The following EYS variants were observed in gnomAD, a reference collection of about 807,000 sequenced individuals.
The protein encoded by EYS is EGF-like photoreceptor maintenance factor, also known as protein eyes shut homolog.
Under a neutral mutation model 282.1 loss-of-function variants are expected in EYS, and 250 were observed. The observed-to-expected ratio is 0.89, with a 90% CI of 0.80 to 0.98. EYS has a LOEUF of 0.98. Among genes scored for constraint, EYS ranks in the 50% least tolerant of loss-of-function variants. The pLI is 0.00. For missense variants in EYS, 4,016 were observed against 3,709.0 expected (o/e 1.08, Z -2.15); for synonymous variants, 1,355 against 1,282.9 (o/e 1.06, Z -1.20).
At chr6:64,678,542 C>A (rs1190915946) in intron 22 of EYS, among the ~76,000 whole-genome samples, 2 of 152,162 alleles carry the variant, frequency 1.3e-5, no homozygotes, top group Non-Finnish European at 2.9e-5. Context: ...AGGGTGACTG[C>A]ACTCCAGCCT....
At chr6:65,078,661 T>C (rs1304979105) in intron 12 of EYS, among the ~76,000 whole-genome samples, 1 of 152,038 alleles carries the variant, frequency 6.6e-6, no homozygotes, top group Non-Finnish European at 1.5e-5. Flanking sequence ...TAATAAATAA[T>C]TGAGGAATCA....
chr6:65,687,665 T>C (rs537715233), intron 1 of EYS, among the ~76,000 whole-genome samples: 26 of 152,246 alleles, frequency 1.7e-4, no homozygotes, highest in African/African-American at 3.9e-4. Context: ...GACGACATGA[T>C]TATATATCTA....
intron 1 of EYS, among the ~76,000 whole-genome samples, chr6:65,647,916 AAACATATAG>A (rs1270113672): frequency 1.3e-5 from 2 of 152,228 alleles, no homozygotes; most frequent in Admixed American, 1.3e-4. Flanking sequence ...AATGGCCAGC[AAACATATAG>A]AACAATGCGT....
intron 12 of EYS, among the ~76,000 whole-genome samples, chr6:65,169,866 G>A (rs1035576668): frequency 6.6e-6 from 1 of 151,340 alleles, no homozygotes; most frequent in Non-Finnish European, 1.5e-5. Context: ...ACTTCCTTTG[G>A]TACTATACAC....
intron 37 of EYS, among the ~76,000 whole-genome samples, chr6:63,799,848 G>A (rs1282714086): frequency 6.6e-6 from 1 of 152,220 alleles, no homozygotes; most frequent in Non-Finnish European, 1.5e-5. Flanking sequence ...AACATTACAT[G>A]AATGAGTAGG....
intron 13 of EYS, among the ~76,000 whole-genome samples, chr6:65,026,572 C>T (rs1772414665): frequency 6.6e-6 from 1 of 152,116 alleles, no homozygotes. Flanking sequence ...TAGGAGAGCA[C>T]AGTCCAAAGT....
chr6:64,856,555 T>G (rs1260127605), intron 19 of EYS, among the ~76,000 whole-genome samples: 1 of 152,162 alleles, frequency 6.6e-6, no homozygotes, highest in Non-Finnish European at 1.5e-5. Context: ...TGCCTTGACT[T>G]CCCAAAGTGC....
chr6:65,335,193 C>G, intron 10 of EYS, 47 bp from the exon 11 acceptor site: 1 of 1,271,382 alleles, frequency 7.9e-7, no homozygotes, highest in South Asian at 1.2e-5. Flanking sequence ...CCATCACTTA[C>G]TACAATATTA....
chr6:65,141,185 A>C (rs56132604), intron 12 of EYS, among the ~76,000 whole-genome samples: 38,841 of 151,670 alleles, frequency 0.26, 5,292 homozygotes, highest in African/African-American at 0.34. Flanking sequence ...AGTTCATGTC[A>C]TTTGTAGGGA....
chr6:64,529,045 G>A (rs912954371), intron 26 of EYS, among the ~76,000 whole-genome samples: 2 of 151,894 alleles, frequency 1.3e-5, no homozygotes, highest in African/African-American at 4.8e-5. Flanking sequence ...ATCCTAAAAC[G>A]GTTTATATGT....
At chr6:64,191,536 TTCTCATTGTTCAATTCCCACCTA>T (rs1049292804) in intron 31 of EYS, among the ~76,000 whole-genome samples, 4 of 145,246 alleles carry the variant, frequency 2.8e-5, no homozygotes, top group Non-Finnish European at 6.0e-5. Context: ...TGTCCATGTG[TTCTCATTGTTCAATTCCCACCTA>T]TGGGTGAGAA....
rs2149623955 is a variant in EYS at position 63,720,870 on chromosome 6, G to A, written c.9161C>T (p.Thr3054Ile). Residue 3054 changes from threonine to isoleucine, a missense_variant, in exon 43 of 43, where the codon ACT becomes ATT. By Grantham distance (89) the Thr-to-Ile change is moderately conservative (BLOSUM62 -1). Transcript: ENST00000503581. ...WHHVVVIQNQ[T>I]LIKAYINNSL... ...GTTATTTATGTAGGCCTTGATAAGA[G>A]TCTGATTTTGAATTACAACTACATG... 1 of 1,551,046 alleles carries A rather than the reference G, an allele frequency of 6.4e-7. No individual in the cohort carries two copies. Among genetic ancestry groups the A allele is most frequent in the Non-Finnish European group, 8.7e-7 (1 of 1,146,542 alleles).
intron 31 of EYS, among the ~76,000 whole-genome samples, chr6:64,159,388 G>A (rs1324269517): frequency 7.3e-5 from 11 of 151,382 alleles, no homozygotes; most frequent in African/African-American, 1.5e-4. Context: ...GTGAAACCCC[G>A]TCTCTACTAA....
chr6:63,775,995 C>A (rs170347), intron 40 of EYS, among the ~76,000 whole-genome samples: 76,719 of 151,886 alleles, frequency 0.51, 21,101 homozygotes, highest in African/African-American at 0.72. Flanking sequence ...AGAGGATCCC[C>A]AAACTGGTCA....
intron 29 of EYS, among the ~76,000 whole-genome samples, chr6:64,374,210 G>A (rs1245199258): frequency 2.1e-5 from 3 of 142,258 alleles, no homozygotes; most frequent in Non-Finnish European, 3.1e-5. Context: ...GGTGTGGGGG[G>A]TGGGGGATGA....
intron 12 of EYS, among the ~76,000 whole-genome samples, chr6:65,230,432 C>G (rs11963375): frequency 0.24 from 35,809 of 151,704 alleles, 4,386 homozygotes; most frequent in Middle Eastern, 0.28. Context: ...TTCATGCATA[C>G]AATTAGTTTT....
At chr6:65,165,306 A>G (rs1186627904) in intron 12 of EYS, among the ~76,000 whole-genome samples, 2 of 145,318 alleles carry the variant, frequency 1.4e-5, no homozygotes, top group Non-Finnish European at 3.1e-5. Context: ...TTTTTAATTT[A>G]TTTGCACATC....
chr6:65,514,732 G>A (rs964882267), intron 2 of EYS, among the ~76,000 whole-genome samples: 1 of 152,182 alleles, frequency 6.6e-6, no homozygotes, highest in Non-Finnish European at 1.5e-5. Flanking sequence ...AAACTGGCTA[G>A]CCATATGTAC....
intron 33 of EYS, among the ~76,000 whole-genome samples, chr6:64,022,113 G>A (rs1376287311): frequency 6.6e-6 from 1 of 152,100 alleles, no homozygotes; most frequent in South Asian, 2.1e-4. Context: ...AAACAGAATT[G>A]CCAAATAAGC....
Sources: gnomAD v4.1 joint callset for allele counts (sites outside exome capture counted in the v4.1 genomes callset) on GRCh38, gnomAD v4.1.1 for gene constraint, MANE v1.5 for transcripts, NCBI Gene and HGNC (gene_info 2026-07-23, HGNC 2026-07-21) for gene names.